SLC12A1: variants seen among roughly 807,000 people sequenced by gnomAD.
SLC12A1 encodes the protein Na-K-2Cl cotransporter.
In SLC12A1, 89 loss-of-function variants were observed where a neutral mutation model predicts 130.4. The observed-to-expected ratio is 0.68, with a 90% CI of 0.58 to 0.81. The LOEUF (loss-of-function observed/expected upper bound fraction) is 0.81. Among genes scored for constraint, SLC12A1 ranks in the 40% least tolerant of loss-of-function variants. SLC12A1 has a pLI of 0.00. For missense variants in SLC12A1, 1,310 were observed against 1,336.4 expected (o/e 0.98, Z 0.31); for synonymous variants, 499 against 460.0 (o/e 1.08, Z -1.09).
intron 18 of SLC12A1, 74 bp from the exon 19 acceptor site, chr15:48,269,584 A>G: frequency 1.3e-6 from 1 of 761,194 alleles, no homozygotes. Flanking sequence ...GCTCCTTTAG[A>G]CATTATTTTT....
At chr15:48,272,910 C>G (rs80015449) in intron 19 of SLC12A1, among the ~76,000 whole-genome samples, 2,158 of 151,918 alleles carry the variant, frequency 0.014, 52 homozygotes, top group African/African-American at 0.049. Context: ...GAGTTTGAGA[C>G]GAACCTGGTC....
Position 48,226,312 on chromosome 15 carries a change from G to A in SLC12A1, c.629-164G>A, listed in dbSNP as rs35928995. 1,618 of 551,800 alleles carry A rather than the reference G, an allele frequency of 2.9e-3. 23 individuals carry two copies. The highest frequency in any genetic ancestry group is 0.029 in the African/African-American group (1,471 of 50,240). The allele number at this position is 551,800 out of a possible 1,614,324, so 34.2% of individuals were successfully genotyped here. A position where few individuals can be genotyped will look rare whatever the true frequency, so the allele number is the denominator to read the frequency against. On this transcript the variant is annotated intron_variant, in intron 4 of 26. Transcript: ENST00000380993. ...TCATAATGAGCAGTTCTCTGACTTGGTCTTTATGCCAGGCAAACCAGTTTC... is the reference window on the plus strand; with the variant it reads ...TCATAATGAGCAGTTCTCTGACTTGATCTTTATGCCAGGCAAACCAGTTTC...
chr15:48,211,705 A>G (rs1418922101), intron 2 of SLC12A1, among the ~76,000 whole-genome samples: 2 of 152,238 alleles, frequency 1.3e-5, no homozygotes, highest in Non-Finnish European at 2.9e-5. Flanking sequence ...TCAGAAAACC[A>G]GTTGGATTTT....
chr15:48,228,221 G>T (rs1366624807), intron 5 of SLC12A1: 7 of 152,106 alleles, frequency 4.6e-5, no homozygotes, highest in African/African-American at 1.7e-4. Context: ...TACCCTTTTG[G>T]CATTTGACCA....
At chr15:48,256,826 C>CA (rs1293460975) in intron 16 of SLC12A1, among the ~76,000 whole-genome samples, 1 of 142,750 alleles carries the variant, frequency 7.0e-6, no homozygotes, top group Admixed American at 6.9e-5. Flanking sequence ...TCCCTGGCCC[C>CA]CCCCCCCAAA....
At chr15:48,219,671 A>C (rs1420728060) in intron 2 of SLC12A1, among the ~76,000 whole-genome samples, 1 of 152,290 alleles carries the variant, frequency 6.6e-6, no homozygotes, top group Non-Finnish European at 1.5e-5. Flanking sequence ...AAAGAAAGAA[A>C]GACAGAAAAC....
intron 24 of SLC12A1, among the ~76,000 whole-genome samples, chr15:48,294,052 GA>G (rs1333028310): frequency 2.1e-5 from 3 of 140,932 alleles, no homozygotes; most frequent in South Asian, 2.3e-4. Flanking sequence ...AAAAAAAAAA[GA>G]AAAAAAGAAA....
rs1396517862 is a variant in SLC12A1 at position 48,246,981 on chromosome 15, C to T, written c.1525C>T (p.Leu509=). Residue 509 remains leucine, a synonymous_variant, in exon 12 of 27, where the codon CTG becomes TTG. Transcript: ENST00000380993. ...CTTTTCTGCAACACTCTCCTCCGCC[C>T]TGGCCTCCCTTGTCAGCGCACCCAA... The part of the protein sequence containing the change: ...GIFSATLSSA[L]ASLVSAPKVF... The T allele has an allele frequency of 1.2e-6, 2 of 1,613,976 alleles. No individual in the cohort carries two copies. Among genetic ancestry groups the T allele is most frequent in the East Asian group, 2.2e-5 (1 of 44,888 alleles).
chr15:48,302,771 G>A lies in SLC12A1; in HGVS notation c.3186G>A (p.Lys1062=), dbSNP rs752510682. The part of the protein sequence containing the change: ...LIVLSLPVAR[K]GSISDLLYMA... ...TTAGGAGCCTTCCCGTGGCAAGAAA[G>A]GGATCCATATCGGATTTGTTGTATA... Residue 1062 remains lysine (K), a synonymous_variant, in exon 27 of 27, where the codon AAG becomes AAA. Coordinates refer to ENST00000380993, the MANE Select transcript of SLC12A1 (RefSeq NM_000338.3). The A allele has an allele frequency of 1.2e-6, 2 of 1,609,634 alleles. No individual in the cohort carries two copies. The highest frequency in any genetic ancestry group is 1.7e-6 in the Non-Finnish European group (2 of 1,177,964).
chr15:48,228,786 A>G (rs1277968227), intron 5 of SLC12A1: 1 of 159,174 alleles, frequency 6.3e-6, no homozygotes, highest in Non-Finnish European at 1.4e-5. Context: ...ACAAAGATAA[A>G]CTTCAACTAC....
chr15:48,283,690 C>T (rs1435884966), intron 20 of SLC12A1, among the ~76,000 whole-genome samples: 1 of 152,258 alleles, frequency 6.6e-6, no homozygotes, highest in Non-Finnish European at 1.5e-5. Flanking sequence ...CTTCGCTTCA[C>T]AGATAGATAA....
chr15:48,248,312 G>A (rs951305380), intron 13 of SLC12A1, among the ~76,000 whole-genome samples: 4 of 152,150 alleles, frequency 2.6e-5, no homozygotes. Context: ...AACTCTCTGT[G>A]TTTGTTAGAT....
intron 24 of SLC12A1, among the ~76,000 whole-genome samples, chr15:48,294,154 G>T (rs1284240932): frequency 6.6e-6 from 1 of 151,852 alleles, no homozygotes; most frequent in Non-Finnish European, 1.5e-5. Flanking sequence ...TTTGAGATCA[G>T]CCTGACCAAC....
At chr15:48,293,729 G>A (rs2042144362) in intron 24 of SLC12A1, among the ~76,000 whole-genome samples, 1 of 152,096 alleles carries the variant, frequency 6.6e-6, no homozygotes, top group Admixed American at 6.6e-5. Flanking sequence ...CAAGGAGATG[G>A]GTCAGTTAAA....
At chr15:48,229,675 A>T (rs530588838) in intron 6 of SLC12A1, among the ~76,000 whole-genome samples, 1 of 152,348 alleles carries the variant, frequency 6.6e-6, no homozygotes, top group Admixed American at 6.5e-5. Flanking sequence ...TAAATAATGG[A>T]TATTGCTGTC....
intron 20 of SLC12A1, among the ~76,000 whole-genome samples, chr15:48,278,204 A>G (rs2041974718): frequency 6.6e-6 from 1 of 152,240 alleles, no homozygotes; most frequent in African/African-American, 2.4e-5. Context: ...AGATCGCGCC[A>G]CTGCACTCCA....
intron 2 of SLC12A1, among the ~76,000 whole-genome samples, chr15:48,215,500 T>C (rs2041110660): frequency 6.6e-6 from 1 of 152,170 alleles, no homozygotes; most frequent in Admixed American, 6.5e-5. Context: ...ACAAACAAAT[T>C]AATTCAATGT....
chr15:48,294,983 C>T (rs1241677561), intron 24 of SLC12A1, among the ~76,000 whole-genome samples: 1 of 151,622 alleles, frequency 6.6e-6, no homozygotes, highest in Non-Finnish European at 1.5e-5. Context: ...ACAATCATAG[C>T]TCATTGCAGC....
At chr15:48,220,173 A>AGATAGATAGAT (rs1555464617) in intron 2 of SLC12A1, among the ~76,000 whole-genome samples, 3 of 150,734 alleles carry the variant, frequency 2.0e-5, no homozygotes, top group Non-Finnish European at 4.4e-5. Flanking sequence ...ATAGATAGAT[A>AGATAGATAGAT]GATAGATAGA....
Sources: gnomAD v4.1 joint callset for allele counts (sites outside exome capture counted in the v4.1 genomes callset) on GRCh38, gnomAD v4.1.1 for gene constraint, MANE v1.5 for transcripts, NCBI Gene and HGNC (gene_info 2026-07-23, HGNC 2026-07-21) for gene names.